Variants in CFAP47 observed in about 807,000 individuals in gnomAD.
CFAP47 encodes the protein cilia and flagella associated protein 47, also known as cilia- and flagella-associated protein 47.
In CFAP47, 29 loss-of-function variants were observed where a neutral mutation model predicts 148.1. The ratio of observed to expected loss-of-function variants is 0.20; its 90% confidence interval spans 0.15 to 0.27. The LOEUF is 0.27. CFAP47 is among the 10% of genes least tolerant of loss of function. The probability of loss-of-function intolerance (pLI) is 1.00; values close to 1 mark genes in which losing one functional copy is unlikely to be tolerated. For missense variants in CFAP47, 1,872 were observed against 1,697.5 expected (o/e 1.10, Z -1.81); for synonymous variants, 664 against 577.3 (o/e 1.15, Z -2.15).
intron 39 of CFAP47, among the ~76,000 whole-genome samples, chrX:36,169,779 C>T: frequency 9.0e-6 from 1 of 111,506 alleles, no homozygotes; most frequent in African/African-American, 3.3e-5. Context: ...TCTCATGTTT[C>T]ATCAGGCTTT....
rs1414590648 is a variant in CFAP47 at position 35,991,934 on chromosome X, T to A, written c.2958T>A (p.Ala986=). The A allele has an allele frequency of 3.4e-6, 1 of 294,032 alleles. No homozygotes were observed. The highest frequency in any genetic ancestry group is 5.9e-6 in the Non-Finnish European group (1 of 168,577). 24.2% of individuals were successfully genotyped at this position (294,032 alleles called of 1,213,427 possible). ...TTCAAAATGTAGGACAAAACCATGC[T>A]TATTTCAAGGTAACATAGGATGTTG... ...AILQNVGQNH[A]YFKVCSQSLL... is the part of the protein sequence containing the mutation. The change falls in exon 17 of 64, where the codon GCT becomes GCA. Residue 986 remains alanine, a synonymous_variant. Coordinates refer to ENST00000378653, the MANE Select transcript of CFAP47 (RefSeq NM_001304548.2).
intron 59 of CFAP47, among the ~76,000 whole-genome samples, chrX:36,351,610 A>C (rs1428977689): frequency 8.9e-6 from 1 of 112,129 alleles, no homozygotes; most frequent in Non-Finnish European, 1.9e-5. Flanking sequence ...TGTTTCTTCA[A>C]AGACAGTTAA....
In CFAP47 at chrX:36,200,368, T is replaced by C. The variant is rs1055196226; in HGVS notation, c.6322-11T>C. The C allele has an allele frequency of 1.4e-5, 4 of 294,317 alleles. No individual in the cohort carries two copies. Among genetic ancestry groups the C allele is most frequent in the South Asian group, 2.0e-4 (1 of 4,912 alleles). The allele number at this position is 294,317 out of a possible 1,213,427, so 24.3% of individuals were successfully genotyped here. A position where few individuals can be genotyped will look rare whatever the true frequency, so the allele number is the denominator to read the frequency against. ...TTTTGAAATTTAATACTATAATGTC[T>C]TGTGTTTTAGATTGGACAATTAATA... On this transcript the variant is annotated splice_polypyrimidine_tract_variant and intron_variant, in intron 42 of 63. Coordinates refer to ENST00000378653, the MANE Select transcript of CFAP47 (RefSeq NM_001304548.2).
intron 45 of CFAP47, among the ~76,000 whole-genome samples, chrX:36,217,451 C>T (rs184533453): frequency 2.3e-4 from 26 of 111,101 alleles, no homozygotes; most frequent in African/African-American, 8.5e-4. Flanking sequence ...CTTCTTTTCT[C>T]TATGCGACTC....
At chrX:36,007,773 A>G (rs777308076) in intron 21 of CFAP47, among the ~76,000 whole-genome samples, 2 of 111,909 alleles carry the variant, frequency 1.8e-5, no homozygotes, top group East Asian at 2.8e-4. Context: ...CTTTTCACCT[A>G]TACCTACTTG....
At chrX:36,379,135 T>G (rs1265068379) in intron 62 of CFAP47, among the ~76,000 whole-genome samples, 1 of 100,547 alleles carries the variant, frequency 9.9e-6, no homozygotes, top group African/African-American at 4.4e-5. Context: ...TAAGATGTGA[T>G]TTTAAGAATC....
At chrX:36,176,066 G>T (rs751247176) in intron 39 of CFAP47, among the ~76,000 whole-genome samples, 1 of 112,661 alleles carries the variant, frequency 8.9e-6, no homozygotes, top group African/African-American at 3.2e-5. Flanking sequence ...CGATTTTCCA[G>T]GTGCCGTCTG....
At chrX:36,129,205 T>G (rs1938900716) in intron 33 of CFAP47, among the ~76,000 whole-genome samples, 1 of 110,965 alleles carries the variant, frequency 9.0e-6, no homozygotes, top group Admixed American at 9.6e-5. Context: ...ATTAATGAGC[T>G]TTATCTAAAT....
At chrX:35,979,922 A>G (rs1364364810) in intron 15 of CFAP47, among the ~76,000 whole-genome samples, 2 of 112,391 alleles carry the variant, frequency 1.8e-5, no homozygotes, top group Non-Finnish European at 3.8e-5. Flanking sequence ...ACCTTAGCAC[A>G]GTATCAGATG....
chrX:36,073,215 G>A lies in CFAP47; in HGVS notation c.4542G>A (p.Lys1514=). The stretch of plus-strand genomic sequence containing the variant: ...AGGAAGATCATGGGTCTCTGGAAAA[G>A]GAAAAATATGAACAATTCCTTTCTC... ...TSEEDHGSLE[K]EKYEQFLSLE... is the part of the protein sequence containing the mutation. Residue 1514 remains lysine, a synonymous_variant, in exon 29 of 64, where the codon AAG becomes AAA. Transcript: ENST00000378653. 1 of 1,210,089 alleles carries A rather than the reference G, an allele frequency of 8.3e-7. No individual in the cohort carries two copies. Among genetic ancestry groups the A allele is most frequent in the Non-Finnish European group, 1.1e-6 (1 of 894,380 alleles).
At chrX:36,273,802 T>C (rs1940984824) in intron 49 of CFAP47, among the ~76,000 whole-genome samples, 1 of 111,556 alleles carries the variant, frequency 9.0e-6, no homozygotes, top group African/African-American at 3.2e-5. Flanking sequence ...CATTATAATA[T>C]GTGACAAGAA....
At chrX:35,946,451 A>G (rs1327905231) in intron 3 of CFAP47, among the ~76,000 whole-genome samples, 1 of 111,727 alleles carries the variant, frequency 9.0e-6, no homozygotes, top group Non-Finnish European at 1.9e-5. Flanking sequence ...ACTCAGTCCT[A>G]ACTAAATTTA....
intron 23 of CFAP47, among the ~76,000 whole-genome samples, chrX:36,034,156 TTTA>T (rs1453215927): frequency 9.0e-6 from 1 of 111,721 alleles, no homozygotes; most frequent in Non-Finnish European, 1.9e-5. Context: ...TTGCTTATTT[TTTA>T]TTATCTTCAC....
chrX:36,041,925 C>CAAAA (rs61099689), intron 25 of CFAP47, among the ~76,000 whole-genome samples: 5 of 30,556 alleles, frequency 1.6e-4, no homozygotes, highest in African/African-American at 2.9e-4. Flanking sequence ...GACTCCATCT[C>CAAAA]AAAAAAAAAA....
rs962339953 is a variant in CFAP47, at chrX:36,258,134, T to A, written c.7444+6690T>A. 2.1e-4 allele frequency among the ~76,000 whole-genome samples: 24 copies of A among 112,359 alleles called. 2 individuals are homozygous for A. The highest frequency in any genetic ancestry group is 2.0e-3 in the Admixed American group (21 of 10,611). ...TGTGCTTGTTTATGTATAGAGAACA[T>A]TCATTTCTAAAAATTTGCAATTTGG... On this transcript the variant is annotated intron_variant, in intron 49 of 63. Transcript: ENST00000378653.
At chrX:36,010,319 GATCTTGAGCCATAAGA>G (rs1937024323) in intron 21 of CFAP47, among the ~76,000 whole-genome samples, 1 of 110,673 alleles carries the variant, frequency 9.0e-6, no homozygotes, top group Admixed American at 9.6e-5. Flanking sequence ...TTGAGATTTG[GATCTTGAGCCATAAGA>G]ATGGTATTCT....
In CFAP47 at chrX:36,036,501, A is replaced by G. The variant is rs757039628; in HGVS notation, c.3811+647A>G. On this transcript the variant is annotated intron_variant, in intron 24 of 63. Coordinates refer to ENST00000378653, the MANE Select transcript of CFAP47 (RefSeq NM_001304548.2). Reference sequence around the variant, plus strand: ...TCTGGCTATTGTGAATATTGCTGCAATAAACATAGGAGTGCAGATATCTGA... The same window carrying G: ...TCTGGCTATTGTGAATATTGCTGCAGTAAACATAGGAGTGCAGATATCTGA... 5.5e-4 allele frequency among the ~76,000 whole-genome samples: 62 copies of G among 111,729 alleles called. 1 individual carries two copies. Among genetic ancestry groups the G allele is most frequent in the Admixed American group, 4.1e-3 (43 of 10,481 alleles).
At chrX:36,198,137 G>A (rs1939938819) in intron 42 of CFAP47, among the ~76,000 whole-genome samples, 1 of 111,155 alleles carries the variant, frequency 9.0e-6, no homozygotes, top group African/African-American at 3.3e-5. Context: ...CTGTGACCCA[G>A]CCCCAGGAGA....
chrX:36,241,533 T>C (rs1555996017), intron 48 of CFAP47, among the ~76,000 whole-genome samples: 1 of 112,175 alleles, frequency 8.9e-6, no homozygotes, highest in Non-Finnish European at 1.9e-5. Flanking sequence ...CTGAGTGCTT[T>C]GCTCCAACTG....
Sources: gnomAD v4.1 joint callset for allele counts (sites outside exome capture counted in the v4.1 genomes callset) on GRCh38, gnomAD v4.1.1 for gene constraint, MANE v1.5 for transcripts, NCBI Gene and HGNC (gene_info 2026-07-23, HGNC 2026-07-21) for gene names.